ANO1: variants seen among roughly 807,000 people sequenced by gnomAD.
ANO1 encodes the protein anoctamin 1.
Under a neutral mutation model 124.0 loss-of-function variants are expected in ANO1, and 59 were observed. That is an observed-to-expected ratio of 0.48 (90% confidence interval 0.39 to 0.59). The LOEUF is 0.59. Ranked by LOEUF, ANO1 falls within the 20% of genes least tolerant of loss-of-function variation. ANO1 has a pLI of 0.00. For synonymous variants in ANO1, 529 were observed against 532.0 expected, an observed-to-expected ratio of 0.99 and a Z score of 0.08; for missense variants, 1,059 against 1,328.0, an observed-to-expected ratio of 0.80 and a Z score of 3.15.
intron 11 of ANO1, 112 bp downstream of exon 11, chr11:70,132,191 A>C: frequency 1.5e-6 from 2 of 1,356,560 alleles, no homozygotes; most frequent in Non-Finnish European, 2.0e-6. Flanking sequence ...TTGTCGGGAA[A>C]AAACATAGGG....
At position 70,088,090 on chromosome 11, in the gene ANO1, T is replaced by G; in HGVS notation, c.441+6T>G. The G allele has an allele frequency of 2.1e-6, 2 of 950,634 alleles. No individual in the cohort carries two copies. Among genetic ancestry groups the G allele is most frequent in the Non-Finnish European group, 1.3e-6 (1 of 782,982 alleles). The allele number at this position is 950,634 out of a possible 1,614,324, so 58.9% of individuals were successfully genotyped here. A position where few individuals can be genotyped will look rare whatever the true frequency, so the allele number is the denominator to read the frequency against. The stretch of plus-strand genomic sequence containing the variant: ...AGCTGGAGCGGGACGAGGACGTAAC[T>G]ATCTCACTGCGCGCTGTTTGTGGGG... On this transcript the variant is annotated splice_donor_region_variant and intron_variant, in intron 2 of 25. Coordinates refer to ENST00000355303, the MANE Select transcript of ANO1 (RefSeq NM_018043.7).
At chr11:70,149,063 G>C (rs866032152) in intron 11 of ANO1, among the ~76,000 whole-genome samples, 2 of 152,212 alleles carry the variant, frequency 1.3e-5, no homozygotes, top group African/African-American at 4.8e-5. Flanking sequence ...AAGCCCGAGT[G>C]AGTGAGTGGC....
intron 1 of ANO1, among the ~76,000 whole-genome samples, chr11:69,996,450 G>A (rs1554998360): frequency 6.6e-6 from 1 of 152,160 alleles, no homozygotes; most frequent in African/African-American, 2.4e-5. Flanking sequence ...ACCCACAGAG[G>A]CTCTCCAACT....
intron 2 of ANO1, among the ~76,000 whole-genome samples, chr11:70,096,426 T>C (rs2044963850): frequency 6.6e-6 from 1 of 152,148 alleles, no homozygotes; most frequent in Non-Finnish European, 1.5e-5. Context: ...CCAGCGAGCA[T>C]TCCTACCTGA....
chr11:70,115,157 C>T (rs1281518962), intron 7 of ANO1, among the ~76,000 whole-genome samples: 1 of 152,030 alleles, frequency 6.6e-6, no homozygotes, highest in Non-Finnish European at 1.5e-5. Context: ...AGAGCGTCTT[C>T]GTTCCAAGAC....
chr11:70,007,922 GTTA>G (rs1217668884), intron 1 of ANO1, among the ~76,000 whole-genome samples: 5 of 152,100 alleles, frequency 3.3e-5, no homozygotes, highest in African/African-American at 1.2e-4. Flanking sequence ...TATGCTTCGG[GTTA>G]TTATTACTTT....
chr11:70,134,129 C>T (rs1293465706), intron 11 of ANO1, among the ~76,000 whole-genome samples: 2 of 152,200 alleles, frequency 1.3e-5, no homozygotes, highest in Admixed American at 6.5e-5. Context: ...GCCTCAGCCC[C>T]GAGGCACCTC....
intron 1 of ANO1, among the ~76,000 whole-genome samples, chr11:70,012,512 A>ATCCATCCATCCATCTATTGT (rs1856616719): frequency 6.9e-6 from 1 of 145,278 alleles, no homozygotes. Context: ...CCATTCTTTC[A>ATCCATCCATCCATCTATTGT]TCCATCCATC....
intron 21 of ANO1, among the ~76,000 whole-genome samples, chr11:70,168,450 C>T (rs916351478): frequency 6.6e-6 from 1 of 152,060 alleles, no homozygotes; most frequent in Non-Finnish European, 1.5e-5. Flanking sequence ...TTTCTGCTCC[C>T]CAGCAGACAG....
intron 11 of ANO1, among the ~76,000 whole-genome samples, chr11:70,135,803 C>T (rs566234748): frequency 3.3e-5 from 5 of 152,362 alleles, no homozygotes; most frequent in East Asian, 1.9e-4. Flanking sequence ...GATCCCATTT[C>T]GAGCTTAACA....
In ANO1 at chr11:70,116,698, T is replaced by C. The variant is rs1028153923; in HGVS notation, c.897+199T>C. 9 of 559,934 alleles carry C rather than the reference T, an allele frequency of 1.6e-5. No individual in the cohort carries two copies. In the Admixed American group the frequency reaches 2.9e-4, roughly 18 times the overall value. The allele number at this position is 559,934 out of a possible 1,614,324, so 34.7% of individuals were successfully genotyped here. A position where few individuals can be genotyped will look rare whatever the true frequency, so the allele number is the denominator to read the frequency against. On this transcript the variant is annotated intron_variant, in intron 8 of 25. Coordinates refer to ENST00000355303, the MANE Select transcript of ANO1 (RefSeq NM_018043.7). ...CGTGAGCTTTGTGTGGCTGGTTTGT[T>C]TTCCTCTTTCTGATTGTCAAAAATG...
At chr11:70,115,717 CCA>C (rs1297833899) in intron 7 of ANO1, among the ~76,000 whole-genome samples, 1 of 152,182 alleles carries the variant, frequency 6.6e-6, no homozygotes, top group East Asian at 1.9e-4. Flanking sequence ...CTGCTCCTCC[CCA>C]GTTACTTTTG....
chr11:70,105,238 G>C (rs1402701512), intron 4 of ANO1, among the ~76,000 whole-genome samples: 1 of 152,176 alleles, frequency 6.6e-6, no homozygotes, highest in African/African-American at 2.4e-5. Context: ...CAGGGAGTGT[G>C]TTCCCAAGAT....
At chr11:70,067,625 G>A (rs1340551098) in intron 1 of ANO1, among the ~76,000 whole-genome samples, 1 of 152,166 alleles carries the variant, frequency 6.6e-6, no homozygotes, top group East Asian at 1.9e-4. Context: ...GCCGCACCCG[G>A]CCTGTGCGTG....
chr11:70,053,559 C>T (rs1354627402), intron 1 of ANO1, among the ~76,000 whole-genome samples: 2 of 152,204 alleles, frequency 1.3e-5, no homozygotes, highest in East Asian at 3.9e-4. Context: ...AAACTTACAT[C>T]CCTGAAATAA....
chr11:70,076,004 G>A (rs1441658987), upstream of ANO1, among the ~76,000 whole-genome samples: 6 of 152,224 alleles, frequency 3.9e-5, no homozygotes, highest in African/African-American at 1.4e-4. Context: ...CGAGAGGCCT[G>A]GAGGCAGAAC....
intron 10 of ANO1, among the ~76,000 whole-genome samples, chr11:70,130,665 A>T (rs530444910): frequency 6.6e-6 from 1 of 152,358 alleles, no homozygotes. Flanking sequence ...CTCAGGCATC[A>T]TGAAGATCCT....
intron 1 of ANO1, among the ~76,000 whole-genome samples, chr11:70,049,655 A>T (rs1857319167): frequency 6.6e-6 from 1 of 152,082 alleles, no homozygotes; most frequent in Admixed American, 6.5e-5. Flanking sequence ...CAATATGTCT[A>T]CCTAATCTTC....
At chr11:70,161,832 G>A (rs572569510) in intron 18 of ANO1, 99 bp downstream of exon 18, 317 of 1,196,482 alleles carry the variant, frequency 2.6e-4, no homozygotes, top group Admixed American at 3.5e-4. Context: ...CCCAGGGCAG[G>A]GCAGACACCG....
Sources: allele counts gnomAD v4.1 joint callset (sites outside exome capture counted in the v4.1 genomes callset), GRCh38; gene constraint gnomAD v4.1.1; transcripts MANE v1.5; gene names NCBI Gene and HGNC (gene_info 2026-07-23, HGNC 2026-07-21).